RIMS2: variants seen among roughly 807,000 people sequenced by gnomAD.
The protein encoded by RIMS2 is regulating synaptic membrane exocytosis protein 2.
A neutral mutation model predicts 174.4 loss-of-function variants in RIMS2; 59 were observed. The observed-to-expected ratio is 0.34, with a 90% CI of 0.27 to 0.42. The LOEUF is 0.42. RIMS2 is among the 10% of genes least tolerant of loss of function. RIMS2 has a pLI of 1.00. For missense variants in RIMS2, 1,620 were observed against 1,666.3 expected, an observed-to-expected ratio of 0.97 and a Z score of 0.48; for synonymous variants, 606 against 572.5, an observed-to-expected ratio of 1.06 and a Z score of -0.84.
chr8:104,051,543 T>C (rs1403161009), intron 19 of RIMS2, among the ~76,000 whole-genome samples: 14 of 151,120 alleles, frequency 9.3e-5, no homozygotes, highest in Admixed American at 6.6e-4. Flanking sequence ...GGAAATCAGA[T>C]GAAATATTAC....
intron 15 of RIMS2, among the ~76,000 whole-genome samples, chr8:103,967,028 G>T (rs1474253124): frequency 6.6e-6 from 1 of 151,994 alleles, no homozygotes; most frequent in Non-Finnish European, 1.5e-5. Context: ...TTAGTGAATG[G>T]TTCCAGGTGA....
intron 19 of RIMS2, among the ~76,000 whole-genome samples, chr8:104,028,315 A>G (rs890860196): frequency 6.6e-6 from 1 of 152,086 alleles, no homozygotes; most frequent in African/African-American, 2.4e-5. Flanking sequence ...CCTCTTAGTT[A>G]AGTCTCCATG....
chr8:103,630,387 C>G (rs935145262), intron 1 of RIMS2, among the ~76,000 whole-genome samples: 3 of 151,822 alleles, frequency 2.0e-5, no homozygotes, highest in Non-Finnish European at 2.9e-5. Flanking sequence ...AAATGCAAAG[C>G]ATTCTCAGAT....
intron 19 of RIMS2, among the ~76,000 whole-genome samples, chr8:104,167,574 G>C (rs1448315896): frequency 6.6e-6 from 1 of 152,036 alleles, no homozygotes; most frequent in Non-Finnish European, 1.5e-5. Context: ...CTGGATATTA[G>C]TCCTTTGTCA....
At chr8:104,036,219 C>T (rs1433414874) in intron 19 of RIMS2, among the ~76,000 whole-genome samples, 5 of 151,642 alleles carry the variant, frequency 3.3e-5, no homozygotes, top group South Asian at 2.1e-4. Flanking sequence ...GGTGCATTCT[C>T]GGCTCACTGC....
chr8:103,510,988 AG>A (rs1826197535), intron 1 of RIMS2, among the ~76,000 whole-genome samples: 1 of 152,188 alleles, frequency 6.6e-6, no homozygotes, highest in Non-Finnish European at 1.5e-5. Context: ...TTTTTTAAAA[AG>A]TATTTTGTAT....
intron 19 of RIMS2, among the ~76,000 whole-genome samples, chr8:104,022,442 G>A (rs1252280244): frequency 6.6e-6 from 1 of 151,916 alleles, no homozygotes; most frequent in Non-Finnish European, 1.5e-5. Context: ...GTGCAGTGGC[G>A]CACAGTCTCA....
intron 2 of RIMS2, among the ~76,000 whole-genome samples, chr8:103,727,121 GA>G (rs1469579317): frequency 1.3e-5 from 2 of 151,850 alleles, no homozygotes; most frequent in Non-Finnish European, 2.9e-5. Flanking sequence ...AAAGGATATA[GA>G]TTTTTTTGTG....
At chr8:103,942,143 C>T (rs1432337398) in intron 13 of RIMS2, among the ~76,000 whole-genome samples, 1 of 152,182 alleles carries the variant, frequency 6.6e-6, no homozygotes, top group Non-Finnish European at 1.5e-5. Flanking sequence ...TTCCCTCCTC[C>T]TACCCTCTAC....
chr8:103,991,603 TA>T (rs2094702922), intron 17 of RIMS2, among the ~76,000 whole-genome samples: 1 of 152,116 alleles, frequency 6.6e-6, no homozygotes, highest in Non-Finnish European at 1.5e-5. Flanking sequence ...TAATGTTGAT[TA>T]AAAAGCCTAA....
rs2154548659 is a variant in RIMS2 at position 103,976,551 on chromosome 8, T to TTC, written c.2927+1046_2927+1047insCT. On this transcript the variant is annotated intron_variant, in intron 16 of 23. Coordinates refer to ENST00000504942, the Ensembl canonical transcript of RIMS2. ...TTTTCTTTTTCTTTTTCTTTTTCTT[T>TTC]TTTTTTTTTTTTTTTGAGACAGAGT... is the stretch of plus-strand genomic sequence containing the variant. The TTC allele has an allele frequency of 3.5e-5, 5 of 144,106 alleles. No individual in the cohort carries two copies. The South Asian group carries it at 1.1e-3, about 31-fold the overall frequency. 8.9% of individuals were successfully genotyped at this position (144,106 alleles called of 1,614,324 possible). A position where few individuals can be genotyped will look rare whatever the true frequency, so the allele number is the denominator to read the frequency against.
At chr8:103,539,012 A>G (rs1287595222) in intron 1 of RIMS2, among the ~76,000 whole-genome samples, 1 of 152,200 alleles carries the variant, frequency 6.6e-6, no homozygotes, top group Non-Finnish European at 1.5e-5. Flanking sequence ...TGCATATTGT[A>G]TCCAAGTTAA....
At chr8:103,908,192 C>A (rs959019395) in intron 4 of RIMS2, among the ~76,000 whole-genome samples, 2 of 152,124 alleles carry the variant, frequency 1.3e-5, no homozygotes, top group Non-Finnish European at 2.9e-5. Context: ...CAGGCGTGCA[C>A]CACCATGCCC....
At chr8:104,004,881 T>G (rs1330606806) in intron 17 of RIMS2, among the ~76,000 whole-genome samples, 1 of 152,048 alleles carries the variant, frequency 6.6e-6, no homozygotes, top group African/African-American at 2.4e-5. Flanking sequence ...AGAGAGAAAT[T>G]AAGTTTGTTA....
At chr8:103,603,841 G>T (rs62527081) in intron 1 of RIMS2, among the ~76,000 whole-genome samples, 1 of 137,124 alleles carries the variant, frequency 7.3e-6, no homozygotes, top group Admixed American at 7.3e-5. Flanking sequence ...TTTTTGATGG[G>T]GTTGTTTGTT....
At chr8:104,011,844 G>A (rs2095771178) in intron 17 of RIMS2, among the ~76,000 whole-genome samples, 1 of 151,906 alleles carries the variant, frequency 6.6e-6, no homozygotes, top group Non-Finnish European at 1.5e-5. Flanking sequence ...AGCAATTTAA[G>A]AAATAATACA....
chr8:103,855,914 GT>G (rs2099025063), intron 3 of RIMS2, among the ~76,000 whole-genome samples: 1 of 151,984 alleles, frequency 6.6e-6, no homozygotes, highest in South Asian at 2.1e-4. Context: ...TTGCTTGTTA[GT>G]TTTTTGCCTT....
chr8:104,144,535 G>A lies in RIMS2; in HGVS notation c.3335-100381G>A, dbSNP rs116015578. ...TCTGTTTTAATTTTTTTTAGTTACC[G>A]ACACTTTTTATGTTTATTCTGGAAA... On this transcript the variant is annotated intron_variant, in intron 19 of 23. Coordinates refer to ENST00000504942, the Ensembl canonical transcript of RIMS2. Among the ~76,000 whole-genome samples the A allele has an allele frequency of 8.6e-3, 1,314 of 151,990 alleles. 24 individuals carry two copies. Among genetic ancestry groups the A allele is most frequent in the African/African-American group, 0.029 (1,213 of 41,478 alleles).
At chr8:104,041,517 A>G (rs780105655) in intron 19 of RIMS2, among the ~76,000 whole-genome samples, 159 bp downstream of exon 22, 3 of 151,672 alleles carry the variant, frequency 2.0e-5, no homozygotes, top group Non-Finnish European at 3.0e-5. Flanking sequence ...TGTGTATTCA[A>G]CTATCAACAG....
Sources: gnomAD v4.1 joint callset for allele counts (sites outside exome capture counted in the v4.1 genomes callset) on GRCh38, gnomAD v4.1.1 for gene constraint, MANE v1.5 for transcripts, NCBI Gene and HGNC (gene_info 2026-07-23, HGNC 2026-07-21) for gene names.